PRICKLE1: variants seen among roughly 807,000 people sequenced by gnomAD.
PRICKLE1 encodes prickle planar cell polarity protein 1.
PRICKLE1 carries 14 observed loss-of-function variants against 70.2 expected under a neutral mutation model. The observed-to-expected ratio is 0.20, with a 90% confidence interval of 0.13 to 0.31. The LOEUF (loss-of-function observed/expected upper bound fraction) is 0.31. Among genes scored for constraint, PRICKLE1 ranks in the 10% least tolerant of loss-of-function variants. The pLI is 1.00. For synonymous variants in PRICKLE1, 357 were observed against 379.9 expected (o/e 0.94, Z 0.70); for missense variants, 821 against 1,026.2 (o/e 0.80, Z 2.73).
chr12:42,531,001 C>A (rs1939905440), intron 1 of PRICKLE1, among the ~76,000 whole-genome samples: 1 of 146,748 alleles, frequency 6.8e-6, no homozygotes, highest in South Asian at 2.2e-4. Flanking sequence ...AAAGTACAAC[C>A]TTGTTCATGT....
At chr12:42,495,683 G>C (rs1217628962) in intron 1 of PRICKLE1, among the ~76,000 whole-genome samples, 1 of 152,034 alleles carries the variant, frequency 6.6e-6, no homozygotes, top group East Asian at 1.9e-4. Context: ...CCGCCTCCCG[G>C]GTTCAAGTGA....
chr12:42,572,458 A>G (rs984438997), intron 1 of PRICKLE1, among the ~76,000 whole-genome samples: 3 of 150,950 alleles, frequency 2.0e-5, no homozygotes, highest in African/African-American at 7.3e-5. Context: ...TAAATAAATA[A>G]ATAAATAAAT....
At chr12:42,504,399 T>G (rs1939367589) in intron 1 of PRICKLE1, among the ~76,000 whole-genome samples, 1 of 152,172 alleles carries the variant, frequency 6.6e-6, no homozygotes, top group African/African-American at 2.4e-5. Flanking sequence ...AAAAAGCACA[T>G]TTAGTGGGCA....
intron 1 of PRICKLE1, among the ~76,000 whole-genome samples, chr12:42,493,729 G>A (rs556543625): frequency 5.3e-5 from 8 of 151,884 alleles, no homozygotes; most frequent in South Asian, 2.1e-4. Flanking sequence ...ACTGTGTCAC[G>A]TGCCTACAGT....
intron 1 of PRICKLE1, among the ~76,000 whole-genome samples, chr12:42,508,168 G>A (rs946100623): frequency 1.8e-4 from 28 of 151,602 alleles, no homozygotes; most frequent in African/African-American, 5.8e-4. Flanking sequence ...AGAAGGAGGG[G>A]GGAACAGGAA....
intron 1 of PRICKLE1, among the ~76,000 whole-genome samples, chr12:42,481,317 T>C (rs796910047): frequency 6.6e-6 from 1 of 152,176 alleles, no homozygotes; most frequent in East Asian, 1.9e-4. Context: ...AAATGAAGTA[T>C]AAGGTCATAT....
At chr12:42,499,452 G>A (rs1939267586) in intron 1 of PRICKLE1, among the ~76,000 whole-genome samples, 1 of 146,212 alleles carries the variant, frequency 6.8e-6, no homozygotes. Context: ...TTAGAGTCTT[G>A]CTCTGTTGCC....
At chr12:42,558,855 GAATTAGTT>G (rs1185850952) in intron 1 of PRICKLE1, among the ~76,000 whole-genome samples, 1 of 152,150 alleles carries the variant, frequency 6.6e-6, no homozygotes. Flanking sequence ...CAAGTATATG[GAATTAGTT>G]AATTTTTCTT....
At position 42,460,372 on chromosome 12, in the gene PRICKLE1, T is replaced by C. The variant is rs780633961; in HGVS notation, c.1933A>G (p.Ile645Val). ...DDVIDNGNYD[I>V]EIRQPPMSER... is the part of the protein sequence containing the mutation. ...CTCATCGGAGGCTGCCGGATTTCAA[T>C]GTCATAGTTCCCATTGTCAATGACA... Residue 645 changes from isoleucine to valine, a missense_variant, in exon 8 of 8, where the codon ATT (isoleucine) becomes GTT (valine). Physicochemically the swap from Ile to Val is conservative, Grantham distance 29 (BLOSUM62 3). Transcript: ENST00000345127. 3.1e-6 allele frequency: 5 copies of C among 1,614,166 alleles called. No homozygotes were observed. The highest frequency in any genetic ancestry group is 4.2e-6 in the Non-Finnish European group (5 of 1,180,014).
At position 42,464,699 on chromosome 12, in the gene PRICKLE1, A is replaced by G. The variant is rs1188871566; in HGVS notation, c.1335T>C (p.Ser445=). ...MDIRASEHWI[S]DNMVKSKTEL... ...CGGTCTTACTTTTAACCATGTTATC[A>G]GATATCCAGTGCTCACTGGCTCGAA... Residue 445 remains serine (S), a synonymous_variant, in exon 7 of 8, where the codon TCT becomes TCC. Transcript: ENST00000345127. The surrounding 1 kb of genome is among the most constrained non-coding windows in gnomAD (Gnocchi z 4.2). The G allele has an allele frequency of 6.2e-7, 1 of 1,614,084 alleles. No individual in the cohort carries two copies. Among genetic ancestry groups the G allele is most frequent in the Non-Finnish European group, 8.5e-7 (1 of 1,180,022 alleles).
In PRICKLE1 at chr12:42,468,808, C is replaced by G. The variant is rs773739764; in HGVS notation, c.406G>C (p.Gly136Arg). 4 of 1,614,150 alleles carry G rather than the reference C, an allele frequency of 2.5e-6. No homozygotes were observed. In the South Asian group the frequency reaches 4.4e-5, roughly 18 times the overall value. ...CEQCGLKING[G>R]EVAVFASRAG... ...CGGGAGGCGAACACTGCAACTTCAC[C>G]TCCATTTATCTTCAAACCACACTAC... is the stretch of plus-strand genomic sequence containing the variant. The change falls in exon 5 of 8, where the codon GGT becomes CGT. Residue 136 changes from glycine (G) to arginine (R), a missense_variant. Physicochemically the swap from Gly to Arg is moderately radical, Grantham distance 125. Transcript: ENST00000345127.
At chr12:42,470,163 G>C (rs1938258778) in intron 3 of PRICKLE1, 83 bp downstream of exon 3, 3 of 1,014,512 alleles carry the variant, frequency 3.0e-6, no homozygotes, top group African/African-American at 3.2e-5. Context: ...CCAGTGAGGA[G>C]TTGGGGTTTA....
At chr12:42,530,993 A>C (rs1939905156) in intron 1 of PRICKLE1, among the ~76,000 whole-genome samples, 2 of 150,542 alleles carry the variant, frequency 1.3e-5, no homozygotes, top group African/African-American at 4.9e-5. Context: ...TTATAAGAAA[A>C]GTACAACCTT....
At chr12:42,470,217 T>C in intron 3 of PRICKLE1, 29 bp downstream of exon 3, 1 of 1,484,440 alleles carries the variant, frequency 6.7e-7, no homozygotes, top group Non-Finnish European at 9.4e-7. Flanking sequence ...TCTTCTTTTT[T>C]CTAATTAGCC....
intron 1 of PRICKLE1, among the ~76,000 whole-genome samples, chr12:42,546,800 A>G (rs907384935): frequency 2.2e-4 from 34 of 152,160 alleles, no homozygotes; most frequent in Non-Finnish European, 4.1e-4. Context: ...GCACTTGATA[A>G]TTTCTTAAGC....
intron 1 of PRICKLE1, among the ~76,000 whole-genome samples, chr12:42,542,293 T>C (rs1349268578): frequency 3.9e-5 from 6 of 152,164 alleles, no homozygotes; most frequent in Non-Finnish European, 8.8e-5. Flanking sequence ...GGCTTTTATA[T>C]GATTTTTTTT....
intron 1 of PRICKLE1, among the ~76,000 whole-genome samples, chr12:42,488,078 T>C (rs567841084): frequency 8.5e-5 from 13 of 152,112 alleles, no homozygotes; most frequent in African/African-American, 3.1e-4. Context: ...AACATCTCGA[T>C]ATAGAAACAG....
chr12:42,500,664 C>CTTTCTT (rs71435912), intron 1 of PRICKLE1, among the ~76,000 whole-genome samples: 2 of 142,800 alleles, frequency 1.4e-5, no homozygotes, highest in African/African-American at 2.6e-5. Flanking sequence ...CATTAATTTT[C>CTTTCTT]TTTTTTTTTT....
At chr12:42,557,969 T>C (rs1309614250) in intron 1 of PRICKLE1, among the ~76,000 whole-genome samples, 1 of 152,200 alleles carries the variant, frequency 6.6e-6, no homozygotes, top group Admixed American at 6.5e-5. Context: ...AATTGGCTTT[T>C]AGAGAGACAC....
Sources: allele counts gnomAD v4.1 joint callset (sites outside exome capture counted in the v4.1 genomes callset), GRCh38; gene constraint gnomAD v4.1.1; non-coding constraint Gnocchi (gnomAD v3.1); transcripts MANE v1.5; gene names NCBI Gene and HGNC (gene_info 2026-07-23, HGNC 2026-07-21).